Variants in SH2B3 observed in about 807,000 individuals in gnomAD.
SH2B3 encodes the protein SH2B adapter protein 3.
Under a neutral mutation model 51.9 loss-of-function variants are expected in SH2B3, and 43 were observed. The ratio of observed to expected loss-of-function variants is 0.83; its 90% CI spans 0.65 to 1.07. The LOEUF (loss-of-function observed/expected upper bound fraction) is 1.07. SH2B3 is among the 50% of genes least tolerant of loss of function. SH2B3 has a pLI of 0.00. For synonymous variants in SH2B3, 396 were observed against 376.0 expected, an observed-to-expected ratio of 1.05 and a Z score of -0.62; for missense variants, 952 against 834.3, an observed-to-expected ratio of 1.14 and a Z score of -1.74.
intron 2 of SH2B3, among the ~76,000 whole-genome samples, chr12:111,428,977 C>T (rs931395738): frequency 3.3e-5 from 5 of 149,688 alleles, no homozygotes; most frequent in South Asian, 2.2e-4. Context: ...AAGGGACGTC[C>T]GCCGGAGGCC....
rs750891369 is a variant in SH2B3, at chr12:111,426,209, A to G, written c.732+7332A>G. ...GGGCAGGACCTCTCTGGAACTTACAACCTGCCTCCCTCAGACAAGGTAGGT... is the reference window on the plus strand; with the variant it reads ...GGGCAGGACCTCTCTGGAACTTACAGCCTGCCTCCCTCAGACAAGGTAGGT... On this transcript the variant is annotated intron_variant, in intron 2 of 7. Transcript: ENST00000341259. 3.3e-5 allele frequency among the ~76,000 whole-genome samples: 5 copies of G among 151,816 alleles called. No individual in the cohort carries two copies. The East Asian group carries it at 5.8e-4, about 18-fold the overall frequency.
chr12:111,411,850 C>G (rs1040470390), intron 1 of SH2B3, among the ~76,000 whole-genome samples: 1 of 152,216 alleles, frequency 6.6e-6, no homozygotes. Flanking sequence ...TTCTGCACAT[C>G]ATCCTGCCCC....
intron 2 of SH2B3, chr12:111,434,605 A>T (rs1031594578): frequency 5.2e-6 from 1 of 192,734 alleles, no homozygotes; most frequent in African/African-American, 2.4e-5. Flanking sequence ...AGTAAAATCC[A>T]GTGATCTTCG....
At chr12:111,430,136 C>T (rs1297560823) in intron 2 of SH2B3, among the ~76,000 whole-genome samples, 2 of 152,204 alleles carry the variant, frequency 1.3e-5, no homozygotes, top group Non-Finnish European at 2.9e-5. Flanking sequence ...GGTCCCAGTC[C>T]TCTCTGAGCT....
At position 111,409,908 on chromosome 12, in the gene SH2B3, C is replaced by T. The variant is rs2086967275; in HGVS notation, c.-28+3631C>T. ...CCTGGTGCCCCCCCACTCCCCGCCCCAGCCGGAAACCCGGCAGCTGAGCAG... is the reference window on the plus strand; with the variant it reads ...CCTGGTGCCCCCCCACTCCCCGCCCTAGCCGGAAACCCGGCAGCTGAGCAG... On this transcript the variant is annotated intron_variant, in intron 1 of 7. Transcript: ENST00000341259. This position sits in a 1 kb window ranked among gnomAD's most constrained non-coding sequence, Gnocchi z 4.0. Among the ~76,000 whole-genome samples the T allele has an allele frequency of 6.6e-6, 1 of 152,250 alleles. No individual in the cohort carries two copies. Among genetic ancestry groups the T allele is most frequent in the African/African-American group, 2.4e-5 (1 of 41,472 alleles).
intron 2 of SH2B3, among the ~76,000 whole-genome samples, chr12:111,433,752 G>C (rs1461575163): frequency 6.6e-6 from 1 of 152,088 alleles, no homozygotes; most frequent in Non-Finnish European, 1.5e-5. Context: ...ACTACACTAC[G>C]TGATGTGGTT....
intron 1 of SH2B3, among the ~76,000 whole-genome samples, chr12:111,414,344 C>T (rs1870921938): frequency 6.6e-6 from 1 of 152,228 alleles, no homozygotes; most frequent in Non-Finnish European, 1.5e-5. Flanking sequence ...GTAATCCCAG[C>T]ACTTTGGGAG....
chr12:111,408,260 TC>T, intron 1 of SH2B3, among the ~76,000 whole-genome samples: 1 of 152,240 alleles, frequency 6.6e-6, no homozygotes, highest in South Asian at 2.1e-4. Flanking sequence ...AGTACCTACT[TC>T]CTAGAGTCAT....
In SH2B3 at chr12:111,447,839, C is replaced by T. The variant is rs766096345; in HGVS notation, c.1408+12C>T. On this transcript the variant is annotated intron_variant, in intron 7 of 7. Transcript: ENST00000341259. ...CTCCCAACCACCAGGTCTGACCCTA[C>T]TGCCCTTTGCTGAAGGGGGTGGCTG... 46 of 1,609,464 alleles carry T rather than the reference C, an allele frequency of 2.9e-5. No homozygotes were observed. The highest frequency in any genetic ancestry group is 3.9e-5 in the Non-Finnish European group (46 of 1,176,564).
chr12:111,410,639 T>G lies in SH2B3; in HGVS notation c.-28+4362T>G, dbSNP rs567933088. Among the ~76,000 whole-genome samples, 3 of 152,280 alleles carry G rather than the reference T, an allele frequency of 2.0e-5. No individual in the cohort carries two copies. Among genetic ancestry groups the G allele is most frequent in the African/African-American group, 7.2e-5 (3 of 41,568 alleles). On this transcript the variant is annotated intron_variant, in intron 1 of 7. Coordinates refer to ENST00000341259, the MANE Select transcript of SH2B3 (RefSeq NM_005475.3). This position sits in a 1 kb window ranked among gnomAD's most constrained non-coding sequence, Gnocchi z 4.9. ...TGGCAGACTGTGCTGGCCTGATAAA[T>G]GTCCCCGGGGCACAAGGTGACCCCA...
Position 111,409,921 on chromosome 12 carries a change from G to A in SH2B3, c.-28+3644G>A, listed in dbSNP as rs927101943. On this transcript the variant is annotated intron_variant, in intron 1 of 7. Coordinates refer to ENST00000341259, the MANE Select transcript of SH2B3 (RefSeq NM_005475.3). The surrounding 1 kb of genome is among the most constrained non-coding windows in gnomAD (Gnocchi z 4.0). ...CACTCCCCGCCCCAGCCGGAAACCC[G>A]GCAGCTGAGCAGTTAGATAGAAGAT... 2.6e-5 allele frequency among the ~76,000 whole-genome samples: 4 copies of A among 152,196 alleles called. No individual in the cohort carries two copies. The highest frequency in any genetic ancestry group is 7.2e-5 in the African/African-American group (3 of 41,458).
At chr12:111,442,217 G>T (rs1033373091) in intron 2 of SH2B3, among the ~76,000 whole-genome samples, 1 of 152,128 alleles carries the variant, frequency 6.6e-6, no homozygotes, top group Non-Finnish European at 1.5e-5. Context: ...CGCCTTTTCA[G>T]ACCCCCTCCC....
chr12:111,439,588 GTTTCT>G (rs975209906), intron 2 of SH2B3, among the ~76,000 whole-genome samples: 7 of 151,934 alleles, frequency 4.6e-5, no homozygotes, highest in South Asian at 4.2e-4. Flanking sequence ...CCAGCCGGGA[GTTTCT>G]TTTGAGATGA....
Position 111,406,553 on chromosome 12 carries a change from C to T in SH2B3, c.-28+276C>T, listed in dbSNP as rs1870265067. 6.6e-6 allele frequency among the ~76,000 whole-genome samples: 1 copy of T among 152,210 alleles called. No individual in the cohort carries two copies. Among genetic ancestry groups the T allele is most frequent in the Non-Finnish European group, 1.5e-5 (1 of 68,016 alleles). On this transcript the variant is annotated intron_variant, in intron 1 of 7. Transcript: ENST00000341259. The surrounding 1 kb of genome is among the most constrained non-coding windows in gnomAD (Gnocchi z 5.7). ...GGGGAGAGGGCATCGCTGACGCCCC[C>T]AGCCCACCCTACGGTAGCCTCGCCG... is the stretch of plus-strand genomic sequence containing the variant.
chr12:111,418,630 C>T lies in SH2B3; in HGVS notation c.485C>T (p.Ala162Val), dbSNP rs763795319. The T allele has an allele frequency of 2.7e-6, 4 of 1,466,312 alleles. No individual in the cohort carries two copies. Among genetic ancestry groups the T allele is most frequent in the Non-Finnish European group, 8.9e-7 (1 of 1,117,960 alleles). 90.8% of individuals were successfully genotyped at this position (1,466,312 alleles called of 1,614,324 possible). The change falls in exon 2 of 8, where the codon GCC becomes GTC. Residue 162 changes from alanine to valine, a missense_variant. By Grantham distance (64) the Ala-to-Val change is moderately conservative (BLOSUM62 0). Transcript: ENST00000341259. This position sits in a 1 kb window ranked among gnomAD's most constrained non-coding sequence, Gnocchi z 6.7. Reference sequence around the variant, plus strand: ...CTGCCAGCGGCCCACACCGCTGCCGCCCCCGGGACCCCCGGAGAGGCTGCT... The same window carrying T: ...CTGCCAGCGGCCCACACCGCTGCCGTCCCCGGGACCCCCGGAGAGGCTGCT... Reference protein sequence around the residue: ...GELPAAHTAAAPGTPGEAAET... With the variant: ...GELPAAHTAAVPGTPGEAAET...
At chr12:111,431,517 C>T (rs1325937324) in intron 2 of SH2B3, among the ~76,000 whole-genome samples, 1 of 151,654 alleles carries the variant, frequency 6.6e-6, no homozygotes, top group Non-Finnish European at 1.5e-5. Flanking sequence ...ACAGAAAAAC[C>T]TCCCACAATC....
At chr12:111,436,799 A>G (rs1872917851) in intron 2 of SH2B3, among the ~76,000 whole-genome samples, 1 of 152,040 alleles carries the variant, frequency 6.6e-6, no homozygotes, top group African/African-American at 2.4e-5. Flanking sequence ...TCTGACATGC[A>G]GGAGGACCAT....
chr12:111,447,063 C>G (rs1301522922), intron 4 of SH2B3, 30 bp downstream of exon 4: 1 of 1,609,292 alleles, frequency 6.2e-7, no homozygotes, highest in African/African-American at 1.3e-5. Context: ...TCCCTGGCAC[C>G]ACCTTTGCTG....
intron 1 of SH2B3, among the ~76,000 whole-genome samples, chr12:111,411,211 A>G (rs1280840933): frequency 6.6e-6 from 1 of 151,682 alleles, no homozygotes; most frequent in Non-Finnish European, 1.5e-5. Context: ...ACCAAAAAAA[A>G]AAAAAAAAAA....
Sources: gnomAD v4.1 joint callset for allele counts (sites outside exome capture counted in the v4.1 genomes callset) on GRCh38, gnomAD v4.1.1 for gene constraint, Gnocchi (gnomAD v3.1) non-coding constraint, MANE v1.5 for transcripts, NCBI Gene and HGNC (gene_info 2026-07-23, HGNC 2026-07-21) for gene names.